Variants in PHGDH observed in about 807,000 individuals in gnomAD.
The protein encoded by PHGDH is phosphoglycerate dehydrogenase.
Under a neutral mutation model 52.6 loss-of-function variants are expected in PHGDH, and 50 were observed. That is an observed-to-expected ratio of 0.95 (90% confidence interval 0.76 to 1.20). The LOEUF (loss-of-function observed/expected upper bound fraction) is 1.20. PHGDH is among the 50% of genes most tolerant of loss of function. The probability of loss-of-function intolerance (pLI) is 0.00; values close to 1 mark genes in which losing one functional copy is unlikely to be tolerated. For synonymous variants in PHGDH, 271 were observed against 280.5 expected (o/e 0.97, Z 0.34); for missense variants, 630 against 684.6 (o/e 0.92, Z 0.89).
intron 6 of PHGDH, among the ~76,000 whole-genome samples, 158 bp from the exon 7 acceptor site, chr1:119,735,137 T>TC (rs2101197413): frequency 6.6e-6 from 1 of 152,252 alleles, no homozygotes; most frequent in Admixed American, 6.5e-5. Flanking sequence ...CCCCAGAGCA[T>TC]CTGAGGAGGA....
intron 7 of PHGDH, among the ~76,000 whole-genome samples, chr1:119,736,506 G>A (rs1057220381): frequency 2.0e-5 from 3 of 152,180 alleles, no homozygotes; most frequent in Non-Finnish European, 4.4e-5. Context: ...ACATACCCAA[G>A]GGCAATCTTC....
Position 119,721,196 on chromosome 1 carries a change from T to A in PHGDH, c.165T>A (p.Ser55=), listed in dbSNP as rs1557967785. The A allele has an allele frequency of 6.2e-7, 1 of 1,614,218 alleles. No homozygotes were observed. Among genetic ancestry groups the A allele is most frequent in the East Asian group, 2.2e-5 (1 of 44,880 alleles). ...LQDCEGLIVR[S]ATKVTADVIN... ...ACTGTGAAGGCCTTATTGTTCGCTC[T>A]GCCACCAAGGTGACCGCTGATGTCA... is the stretch of plus-strand genomic sequence containing the variant. The change falls in exon 2 of 12, where the codon TCT becomes TCA. Residue 55 remains serine, a synonymous_variant. Transcript: ENST00000641023.
At chr1:119,729,563 C>T (rs767488620) in intron 5 of PHGDH, 4 of 152,182 alleles carry the variant, frequency 2.6e-5, no homozygotes, top group Non-Finnish European at 5.9e-5. Context: ...TATTCTTCAT[C>T]ATGGAGACTT....
rs58549149 is a variant in PHGDH at position 119,717,232 on chromosome 1, CA to C, written c.139-3909del. On this transcript the variant is annotated intron_variant, in intron 1 of 11. Coordinates refer to ENST00000641023, the MANE Select transcript of PHGDH (RefSeq NM_006623.4). ...GGGCAATAAGAGTGAAACTCTGTCT[CA>C]AAAAAAAAAAAAAAAAAAAAAAAAA... 6.9e-3 allele frequency among the ~76,000 whole-genome samples: 259 copies of C among 37,316 alleles called. 1 individual carries two copies. The Admixed American group carries it at 0.087, about 12-fold the overall frequency. 24.5% of individuals were successfully genotyped at this position (37,316 alleles called of 152,430 possible). A position where few individuals can be genotyped will look rare whatever the true frequency, so the allele number is the denominator to read the frequency against.
At chr1:119,740,255 C>T in intron 8 of PHGDH, 131 bp from the exon 9 acceptor site, 1 of 845,796 alleles carries the variant, frequency 1.2e-6, no homozygotes, top group East Asian at 2.6e-5. Context: ...GAAGTTGTCA[C>T]CCACCAGGCA....
At chr1:119,724,686 A>G (rs1651326066) in intron 3 of PHGDH, 2 of 402,708 alleles carry the variant, frequency 5.0e-6, no homozygotes, top group African/African-American at 4.3e-5. Context: ...TGAGTAAGGG[A>G]AAAGATCTCA....
At chr1:119,741,726 CAACA>C (rs1652215450) in intron 9 of PHGDH, 37 bp from the exon 10 acceptor site, 8 of 1,603,316 alleles carry the variant, frequency 5.0e-6, no homozygotes, top group Admixed American at 3.3e-5. Flanking sequence ...CTGTAGTGCT[CAACA>C]AACAGTGACC....
chr1:119,720,095 A>C (rs1401574200), intron 1 of PHGDH: 1 of 152,138 alleles, frequency 6.6e-6, no homozygotes, highest in Non-Finnish European at 1.5e-5. Context: ...GGACTTGCTC[A>C]CCTGCCCCAT....
At chr1:119,741,554 T>C (rs140772717) in intron 9 of PHGDH, among the ~76,000 whole-genome samples, 23 of 152,024 alleles carry the variant, frequency 1.5e-4, no homozygotes, top group African/African-American at 5.3e-4. Flanking sequence ...TTTCTCAGGG[T>C]GGTTAAAACA....
In PHGDH at chr1:119,744,138, C is replaced by T. The variant is rs1190521586; in HGVS notation, c.*98C>T. 7.8e-6 allele frequency: 9 copies of T among 1,152,056 alleles called. No individual in the cohort carries two copies. Among genetic ancestry groups the T allele is most frequent in the African/African-American group, 4.5e-5 (3 of 66,190 alleles). The allele number at this position is 1,152,056 out of a possible 1,614,324, so 71.4% of individuals were successfully genotyped here. The stretch of plus-strand genomic sequence containing the variant: ...AAAATCCACATTCTTGGGCTGAACG[C>T]GGGCCTCTGACACTGCTTACACTGC... On this transcript the variant is annotated 3_prime_UTR_variant, in exon 12 of 12. Coordinates refer to ENST00000641023, the MANE Select transcript of PHGDH (RefSeq NM_006623.4).
At chr1:119,730,530 T>G (rs1044682384) in intron 5 of PHGDH, among the ~76,000 whole-genome samples, 2 of 152,186 alleles carry the variant, frequency 1.3e-5, no homozygotes, top group African/African-American at 2.4e-5. Context: ...TGTGGATGGA[T>G]TCTTTGGCTG....
intron 2 of PHGDH, among the ~76,000 whole-genome samples, chr1:119,721,810 A>C (rs952626786): frequency 1.3e-5 from 2 of 151,976 alleles, no homozygotes; most frequent in African/African-American, 2.4e-5. Context: ...TGCCCTCCCC[A>C]CTTCCCTGCC....
intron 5 of PHGDH, among the ~76,000 whole-genome samples, chr1:119,731,128 G>T (rs1469927571): frequency 6.6e-6 from 1 of 152,158 alleles, no homozygotes; most frequent in Non-Finnish European, 1.5e-5. Flanking sequence ...GAGCAGTGTG[G>T]TTGTCAGTGG....
chr1:119,732,960 C>T (rs1024586492), intron 5 of PHGDH, among the ~76,000 whole-genome samples: 1 of 152,210 alleles, frequency 6.6e-6, no homozygotes, highest in Non-Finnish European at 1.5e-5. Context: ...TAGAGATGAA[C>T]AGGGCCATTG....
intron 3 of PHGDH, chr1:119,724,890 G>C (rs1459332924): frequency 2.2e-6 from 1 of 456,482 alleles, no homozygotes; most frequent in Non-Finnish European, 4.4e-6. Context: ...ATCAAAACTA[G>C]GAAACACGCA....
At chr1:119,717,923 G>A (rs1651002093) in intron 1 of PHGDH, among the ~76,000 whole-genome samples, 1 of 152,142 alleles carries the variant, frequency 6.6e-6, no homozygotes, top group African/African-American at 2.4e-5. Context: ...GGGGACTGAT[G>A]AGGGTGGTTT....
intron 11 of PHGDH, among the ~76,000 whole-genome samples, chr1:119,743,598 C>G (rs953326817): frequency 6.6e-6 from 1 of 152,194 alleles, no homozygotes; most frequent in African/African-American, 2.4e-5. Flanking sequence ...TTCTGGCTGC[C>G]CAAGGGAACT....
Position 119,723,546 on chromosome 1 carries a change from G to T in PHGDH, c.356+105G>T. 3 of 868,036 alleles carry T rather than the reference G, an allele frequency of 3.5e-6. No homozygotes were observed. The South Asian group carries it at 4.1e-5, about 12-fold the overall frequency. 53.8% of individuals were successfully genotyped at this position (868,036 alleles called of 1,614,324 possible). A position where few individuals can be genotyped will look rare whatever the true frequency, so the allele number is the denominator to read the frequency against. On this transcript the variant is annotated intron_variant, in intron 3 of 11. Transcript: ENST00000641023. Reference sequence around the variant, plus strand: ...AAACTTAGAAACATTTCGTCTCAGCGACTTGCAGACTGCTAAGAAGGCGAC... The same window carrying T: ...AAACTTAGAAACATTTCGTCTCAGCTACTTGCAGACTGCTAAGAAGGCGAC...
At position 119,735,307 on chromosome 1, in the gene PHGDH, A is replaced by G; in HGVS notation, c.656A>G (p.Asp219Gly). ...CGCTTTCTTCCAGGCTTGCTGAATG[A>G]CAACACCTTTGCCCAGTGCAAGAAG... is the stretch of plus-strand genomic sequence containing the variant. ...LLPSTTGLLN[D>G]NTFAQCKKGV... Residue 219 changes from aspartate to glycine, a missense_variant, in exon 7 of 12, where the codon GAC (aspartate) becomes GGC (glycine). Coordinates refer to ENST00000641023, the MANE Select transcript of PHGDH (RefSeq NM_006623.4). The G allele has an allele frequency of 6.2e-7, 1 of 1,614,226 alleles. No homozygotes were observed. The highest frequency in any genetic ancestry group is 8.5e-7 in the Non-Finnish European group (1 of 1,180,046).
Sources: gnomAD v4.1 joint callset for allele counts (sites outside exome capture counted in the v4.1 genomes callset) on GRCh38, gnomAD v4.1.1 for gene constraint, MANE v1.5 for transcripts, NCBI Gene and HGNC (gene_info 2026-07-23, HGNC 2026-07-21) for gene names.